The following PNPLA6 variants were observed in gnomAD, a reference collection of about 807,000 sequenced individuals.
The protein encoded by PNPLA6 is patatin-like phospholipase domain-containing protein 6.
Under a neutral mutation model 153.7 loss-of-function variants are expected in PNPLA6, and 105 were observed. That is an observed-to-expected ratio of 0.68 (90% CI 0.58 to 0.80). The LOEUF (loss-of-function observed/expected upper bound fraction) is 0.80, where lower values mean the gene tolerates loss of function less well. PNPLA6 is among the 30% of genes least tolerant of loss of function. The pLI is 0.00. For synonymous variants in PNPLA6, 825 were observed against 822.2 expected (o/e 1.00, Z -0.06); for missense variants, 1,423 against 1,919.3 (o/e 0.74, Z 4.83).
At chr19:7,550,801 A>G (rs1599295162) in intron 16 of PNPLA6, 161 bp downstream of exon 16, 8 of 817,646 alleles carry the variant, frequency 9.8e-6, no homozygotes, top group Non-Finnish European at 1.5e-5. Context: ...CGTTGGAAAA[A>G]GGGGATTCCG....
chr19:7,553,873 A>G lies in PNPLA6; in HGVS notation c.2261-2A>G. The G allele has an allele frequency of 2.5e-6, 4 of 1,614,232 alleles. No homozygotes were observed. Among genetic ancestry groups the G allele is most frequent in the Non-Finnish European group, 3.4e-6 (4 of 1,180,044 alleles). On this transcript the variant is annotated splice_acceptor_variant, in intron 18 of 31. Transcript: ENST00000600737. LOFTEE classifies it high-confidence loss of function. ...AAATCTCATCCATTGGGTTCTTAGC[A>G]GGCTCTGGGTTGGGTGTGCCCCCAC...
chr19:7,554,765 C>T (rs1354723244), intron 21 of PNPLA6, 42 bp downstream of exon 21: 1 of 1,602,682 alleles, frequency 6.2e-7, no homozygotes, highest in Non-Finnish European at 8.5e-7. Context: ...CCTCGGGTCC[C>T]GTCCTTTGCC....
chr19:7,536,571 G>T (rs2022882300), intron 3 of PNPLA6, 25 bp downstream of exon 3: 20 of 1,454,566 alleles, frequency 1.4e-5, no homozygotes, highest in Non-Finnish European at 1.9e-5. Context: ...GGTGTGACCT[G>T]GTATTAGGGG....
chr19:7,549,767 G>C, intron 13 of PNPLA6, 140 bp from the exon 14 acceptor site: 1 of 823,420 alleles, frequency 1.2e-6, no homozygotes, highest in Non-Finnish European at 2.0e-6. Flanking sequence ...GATTACAGCC[G>C]TGAGCCACCG....
chr19:7,559,455 T>A (rs1268835019), intron 28 of PNPLA6, among the ~76,000 whole-genome samples: 1 of 152,184 alleles, frequency 6.6e-6, no homozygotes, highest in Non-Finnish European at 1.5e-5. Flanking sequence ...GAAGCAGAAA[T>A]GTCTGCCACA....
In PNPLA6 at chr19:7,535,883, G is replaced by C. The variant is rs1056939040; in HGVS notation, c.95G>C (p.Gly32Ala). 12 of 1,544,592 alleles carry C rather than the reference G, an allele frequency of 7.8e-6. No individual in the cohort carries two copies. The African/African-American group carries it at 1.2e-4, about 16-fold the overall frequency. Residue 32 changes from glycine (G) to alanine (A), a missense_variant, in exon 1 of 32, where the codon GGC becomes GCC. Physicochemically the swap from Gly to Ala is moderately conservative, Grantham distance 60 (BLOSUM62 0). Coordinates refer to ENST00000600737, the MANE Select transcript of PNPLA6 (RefSeq NM_001166114.2). This position sits in a 1 kb window ranked among gnomAD's most constrained non-coding sequence, Gnocchi z 5.0. ...CAGGACGTCCTGGCGCCCGGGGAAG[G>C]CTCGGCGGGACGGATTTGCGGTGCG... Reference protein sequence around the residue: ...GFQDVLAPGEGSAGRICGAQP... With the variant: ...GFQDVLAPGEASAGRICGAQP...
chr19:7,540,788 G>A lies in PNPLA6; in HGVS notation c.795+78G>A. On this transcript the variant is annotated intron_variant, in intron 6 of 31. Coordinates refer to ENST00000600737, the MANE Select transcript of PNPLA6 (RefSeq NM_001166114.2). This position sits in a 1 kb window ranked among gnomAD's most constrained non-coding sequence, Gnocchi z 6.8. The stretch of plus-strand genomic sequence containing the variant: ...GGGACTAGGTTGAAGGAAATCACAG[G>A]GTCCCCAATCTCTGGTTCATCCGTT... 1 of 1,543,702 alleles carries A rather than the reference G, an allele frequency of 6.5e-7. No individual in the cohort carries two copies. The highest frequency in any genetic ancestry group is 1.1e-5 in the South Asian group (1 of 89,622).
In PNPLA6 at chr19:7,555,646, G is replaced by A; in HGVS notation, c.2976G>A (p.Glu992=). 14 of 1,612,970 alleles carry A rather than the reference G, an allele frequency of 8.7e-6. No individual in the cohort carries two copies. The highest frequency in any genetic ancestry group is 1.2e-5 in the Non-Finnish European group (14 of 1,179,860). Residue 992 remains glutamate (E), a synonymous_variant, in exon 24 of 32, where the codon GAG becomes GAA. Coordinates refer to ENST00000600737, the MANE Select transcript of PNPLA6 (RefSeq NM_001166114.2). This position sits in a 1 kb window ranked among gnomAD's most constrained non-coding sequence, Gnocchi z 6.3. ...TCGGAGTACTAAAGGCATTAGAGGAGGCGGGGGTCCCCGTGGACCTGGTGG... is the reference window on the plus strand; with the variant it reads ...TCGGAGTACTAAAGGCATTAGAGGAAGCGGGGGTCCCCGTGGACCTGGTGG... ...SHIGVLKALE[E]AGVPVDLVGG... is the part of the protein sequence containing the mutation.
rs574663 is a variant in PNPLA6, at chr19:7,549,791, C to T, written c.1609-116C>T. The T allele has an allele frequency of 0.71, 747,743 of 1,057,196 alleles. 266,892 individuals carry two copies. The highest frequency in any genetic ancestry group is 0.8 in the Admixed American group (40,678 of 50,758). The allele number at this position is 1,057,196 out of a possible 1,614,324, so 65.5% of individuals were successfully genotyped here. A position where few individuals can be genotyped will look rare whatever the true frequency, so the allele number is the denominator to read the frequency against. ...CGTGAGCCACCGCGCCCTGCGCCTT[C>T]ATATTTTTCTTAACCCTTCCTTTCT... is the stretch of plus-strand genomic sequence containing the variant. On this transcript the variant is annotated intron_variant, in intron 13 of 31. Transcript: ENST00000600737.
chr19:7,534,879 A>T (rs1192769577), upstream of PNPLA6: 1 of 154,266 alleles, frequency 6.5e-6, no homozygotes, highest in East Asian at 1.9e-4. Flanking sequence ...CGCCACCCCA[A>T]GCATCCCAGG....
At chr19:7,536,901 T>C (rs140250767) in intron 3 of PNPLA6, among the ~76,000 whole-genome samples, 1,278 of 120,760 alleles carry the variant, frequency 0.011, 19 homozygotes, top group African/African-American at 0.039. Context: ...CACTCCAGCC[T>C]GGGCAATAGA....
Position 7,541,477 on chromosome 19 carries a change from A to T in PNPLA6, c.1005+43A>T. The T allele has an allele frequency of 6.2e-7, 1 of 1,612,268 alleles. No individual in the cohort carries two copies. The highest frequency in any genetic ancestry group is 8.5e-7 in the Non-Finnish European group (1 of 1,178,944). ...AGCGAGCACAGGGGGGATGGGGGCG[A>T]GGTCTCCCTCCCAGGACAGGCCACA... On this transcript the variant is annotated intron_variant, in intron 8 of 31. Coordinates refer to ENST00000600737, the MANE Select transcript of PNPLA6 (RefSeq NM_001166114.2). This position sits in a 1 kb window ranked among gnomAD's most constrained non-coding sequence, Gnocchi z 5.2.
At chr19:7,553,750 C>A in intron 18 of PNPLA6, 125 bp from the exon 19 acceptor site, 1 of 1,255,896 alleles carries the variant, frequency 8.0e-7, no homozygotes, top group Non-Finnish European at 1.2e-6. Flanking sequence ...CAACTGGGGG[C>A]TGCAGTCTGG....
chr19:7,560,562 T>A, intron 28 of PNPLA6, 86 bp from the exon 29 acceptor site: 1 of 942,662 alleles, frequency 1.1e-6, no homozygotes, highest in Non-Finnish European at 1.8e-6. Context: ...AGAATCAGGC[T>A]TTTGAGGGGC....
chr19:7,537,431 C>T (rs1453954976), intron 3 of PNPLA6, among the ~76,000 whole-genome samples: 1 of 152,142 alleles, frequency 6.6e-6, no homozygotes, highest in African/African-American at 2.4e-5. Flanking sequence ...TTTTCTTGCA[C>T]TAGAAATATA....
At chr19:7,534,667 T>C (rs999448954), upstream of PNPLA6, 4 of 152,626 alleles carry the variant, frequency 2.6e-5, no homozygotes, top group African/African-American at 9.7e-5. Flanking sequence ...GCAGTAGTAT[T>C]GTAATCCTCA....
chr19:7,552,664 A>T (rs2023702642), intron 18 of PNPLA6, among the ~76,000 whole-genome samples: 1 of 150,260 alleles, frequency 6.7e-6, no homozygotes, highest in African/African-American at 2.4e-5. Context: ...CTGAGGCAGG[A>T]GAATCGCTTG....
intron 3 of PNPLA6, among the ~76,000 whole-genome samples, chr19:7,536,977 C>T (rs533887422): frequency 1.3e-5 from 2 of 150,522 alleles, no homozygotes; most frequent in African/African-American, 4.9e-5. Flanking sequence ...AGAAAGTCTT[C>T]CTGTTTCAGA....
Position 7,555,586 on chromosome 19 carries a change from T to C in PNPLA6, c.2937-21T>C, listed in dbSNP as rs1212867677. On this transcript the variant is annotated intron_variant, in intron 23 of 31. Transcript: ENST00000600737. The surrounding 1 kb of genome is among the most constrained non-coding windows in gnomAD (Gnocchi z 6.3). ...CTGCAGGTGGGGCCTAGCGGGTCAC[T>C]GGGGCCCATTTTCCCGGCAGGGGCT... The C allele has an allele frequency of 2.5e-6, 4 of 1,610,134 alleles. No individual in the cohort carries two copies. The highest frequency in any genetic ancestry group is 3.4e-6 in the Non-Finnish European group (4 of 1,178,802).
Sources: allele counts gnomAD v4.1 joint callset (sites outside exome capture counted in the v4.1 genomes callset), GRCh38; gene constraint gnomAD v4.1.1; non-coding constraint Gnocchi (gnomAD v3.1); transcripts MANE v1.5; gene names NCBI Gene and HGNC (gene_info 2026-07-23, HGNC 2026-07-21).